The following LRMDA variants were observed in gnomAD, a reference collection of about 807,000 sequenced individuals.
LRMDA encodes leucine-rich melanocyte differentiation-associated protein.
In LRMDA, 18 loss-of-function variants were observed where a neutral mutation model predicts 29.8. The ratio of observed to expected loss-of-function variants is 0.60; its 90% CI spans 0.42 to 0.90. LRMDA has a LOEUF of 0.90. Among genes scored for constraint, LRMDA ranks in the 40% least tolerant of loss-of-function variants. LRMDA has a pLI of 0.00. For missense variants in LRMDA, 273 were observed against 273.9 expected (o/e 1.00, Z 0.02); for synonymous variants, 125 against 109.4 (o/e 1.14, Z -0.89).
intron 5 of LRMDA, among the ~76,000 whole-genome samples, chr10:76,087,305 G>A (rs942692092): frequency 5.9e-5 from 9 of 152,158 alleles, no homozygotes; most frequent in African/African-American, 2.2e-4. Context: ...TTTTGACCAG[G>A]TTTTGCCACT....
At chr10:75,824,456 GC>G (rs2132284702) in intron 2 of LRMDA, among the ~76,000 whole-genome samples, 1 of 152,202 alleles carries the variant, frequency 6.6e-6, no homozygotes, top group Admixed American at 6.5e-5. Context: ...TATATAGCTC[GC>G]AAAACCTAGA....
chr10:75,803,054 T>C (rs1431113619), intron 2 of LRMDA, among the ~76,000 whole-genome samples: 1 of 151,854 alleles, frequency 6.6e-6, no homozygotes, highest in East Asian at 1.9e-4. Flanking sequence ...TATCATTTAT[T>C]GAGGACTAAC....
intron 2 of LRMDA, among the ~76,000 whole-genome samples, chr10:75,960,657 A>G (rs1370711368): frequency 6.6e-6 from 1 of 152,216 alleles, no homozygotes; most frequent in African/African-American, 2.4e-5. Flanking sequence ...TCTGTTGCCC[A>G]GGCTGGAGTA....
At chr10:76,224,667 CT>C (rs35143239) in intron 5 of LRMDA, among the ~76,000 whole-genome samples, 8,819 of 105,308 alleles carry the variant, frequency 0.084, 544 homozygotes, top group East Asian at 0.25. Context: ...GTCTAGGACT[CT>C]TTTTTTTTTT....
At chr10:76,410,909 G>A (rs1275188248) in intron 6 of LRMDA, among the ~76,000 whole-genome samples, 1 of 152,104 alleles carries the variant, frequency 6.6e-6, no homozygotes, top group Non-Finnish European at 1.5e-5. Context: ...TCGCACCATT[G>A]CACTCCAGCC....
chr10:75,642,293 T>C lies in LRMDA; in HGVS notation c.131+203799T>C, dbSNP rs536111424. Among the ~76,000 whole-genome samples the C allele has an allele frequency of 7.4e-5, 11 of 149,144 alleles. No individual in the cohort carries two copies. The East Asian group carries it at 1.7e-3, about 24-fold the overall frequency. ...CATGAACGTTTCCCTGTTGGTTCCA[T>C]GGTGAGTATCCAGACTTGAATCCCT... is the stretch of plus-strand genomic sequence containing the variant. On this transcript the variant is annotated intron_variant, in intron 2 of 6. Coordinates refer to ENST00000611255, the MANE Select transcript of LRMDA (RefSeq NM_001305581.2).
chr10:76,071,449 T>C (rs1234982456), intron 5 of LRMDA, among the ~76,000 whole-genome samples: 1 of 152,220 alleles, frequency 6.6e-6, no homozygotes, highest in East Asian at 1.9e-4. Flanking sequence ...TTGGAGAAGA[T>C]TAGATTACAA....
At chr10:75,546,801 A>AT (rs1426262675) in intron 2 of LRMDA, among the ~76,000 whole-genome samples, 1 of 152,226 alleles carries the variant, frequency 6.6e-6, no homozygotes, top group Non-Finnish European at 1.5e-5. Context: ...TTAAGTGGCT[A>AT]TTCAGATTAT....
At chr10:75,801,070 C>T (rs1284159715) in intron 2 of LRMDA, among the ~76,000 whole-genome samples, 6 of 152,182 alleles carry the variant, frequency 3.9e-5, no homozygotes, top group South Asian at 2.1e-4. Context: ...ATTTACCAAG[C>T]GCCTTCACCA....
intron 5 of LRMDA, among the ~76,000 whole-genome samples, chr10:76,210,755 C>T (rs1046093701): frequency 2.0e-5 from 3 of 152,108 alleles, no homozygotes; most frequent in East Asian, 1.9e-4. Flanking sequence ...TCAGTTTCTC[C>T]GCATCTCTAA....
chr10:76,132,430 A>G (rs1369432752), intron 5 of LRMDA, among the ~76,000 whole-genome samples: 2 of 152,184 alleles, frequency 1.3e-5, no homozygotes, highest in Non-Finnish European at 1.5e-5. Context: ...CTGGTATTCC[A>G]TCAAGCAGAA....
intron 5 of LRMDA, among the ~76,000 whole-genome samples, chr10:76,303,147 T>C (rs1840502887): frequency 6.6e-6 from 1 of 152,140 alleles, no homozygotes; most frequent in Non-Finnish European, 1.5e-5. Context: ...TATTTTGTTT[T>C]AGCACATTGT....
intron 5 of LRMDA, among the ~76,000 whole-genome samples, chr10:76,222,107 C>G (rs956724391): frequency 6.6e-6 from 1 of 151,752 alleles, no homozygotes; most frequent in South Asian, 2.1e-4. Flanking sequence ...ACACCTTATA[C>G]AAAAATTAAT....
intron 2 of LRMDA, among the ~76,000 whole-genome samples, chr10:75,932,949 T>C (rs1846229896): frequency 6.6e-6 from 1 of 152,234 alleles, no homozygotes; most frequent in Non-Finnish European, 1.5e-5. Context: ...ACCATTAAAT[T>C]ACTTAACCAA....
At chr10:76,283,880 G>A (rs79761103) in intron 5 of LRMDA, among the ~76,000 whole-genome samples, 5,042 of 152,164 alleles carry the variant, frequency 0.033, 279 homozygotes, top group African/African-American at 0.11. Flanking sequence ...TGCCCAGGCT[G>A]ATCTTGAACT....
chr10:76,047,777 G>C (rs992080151), intron 4 of LRMDA, among the ~76,000 whole-genome samples: 1 of 152,186 alleles, frequency 6.6e-6, no homozygotes, highest in Admixed American at 6.5e-5. Context: ...ATCTTGAAGA[G>C]AGAGATGACT....
intron 2 of LRMDA, among the ~76,000 whole-genome samples, chr10:75,909,222 C>G (rs1302390503): frequency 6.6e-6 from 1 of 151,876 alleles, no homozygotes; most frequent in African/African-American, 2.4e-5. Flanking sequence ...GGGAGGAGAA[C>G]CCAAAGAAGT....
intron 5 of LRMDA, among the ~76,000 whole-genome samples, chr10:76,275,460 A>G (rs953526215): frequency 2.6e-5 from 4 of 152,114 alleles, no homozygotes; most frequent in African/African-American, 9.7e-5. Context: ...TTAATTGTAC[A>G]CATACAAATA....
chr10:75,810,291 T>A (rs553548225), intron 2 of LRMDA, among the ~76,000 whole-genome samples: 8 of 152,270 alleles, frequency 5.3e-5, no homozygotes, highest in African/African-American at 1.9e-4. Context: ...GTTTGGATTT[T>A]GCAGTCACAC....
Sources: allele counts gnomAD v4.1 joint callset (sites outside exome capture counted in the v4.1 genomes callset), GRCh38; gene constraint gnomAD v4.1.1; transcripts MANE v1.5; gene names NCBI Gene and HGNC (gene_info 2026-07-23, HGNC 2026-07-21).